The following RELN variants were observed in gnomAD, a reference collection of about 807,000 sequenced individuals.
The protein encoded by RELN is reelin.
Under a neutral mutation model 427.6 loss-of-function variants are expected in RELN, and 108 were observed. The ratio of observed to expected loss-of-function variants is 0.25; its 90% CI spans 0.22 to 0.30. The LOEUF (loss-of-function observed/expected upper bound fraction) is 0.30, where lower values mean the gene tolerates loss of function less well. Ranked by LOEUF, RELN falls within the 10% of genes least tolerant of loss-of-function variation. RELN has a pLI of 1.00. For missense variants in RELN, 3,715 were observed against 4,302.8 expected, an observed-to-expected ratio of 0.86 and a Z score of 3.82; for synonymous variants, 1,524 against 1,513.4, an observed-to-expected ratio of 1.01 and a Z score of -0.16.
chr7:103,566,495 A>G (rs1261659365), intron 32 of RELN, 83 bp from the exon 33 acceptor site: 3 of 1,592,834 alleles, frequency 1.9e-6, no homozygotes, highest in Non-Finnish European at 1.7e-6. Context: ...TTTTAAATCA[A>G]ATTGTCTAGA....
intron 36 of RELN, among the ~76,000 whole-genome samples, chr7:103,558,341 C>T (rs1252539985): frequency 1.3e-5 from 2 of 152,144 alleles, no homozygotes; most frequent in African/African-American, 2.4e-5. Flanking sequence ...TATCTACAGG[C>T]CTTTTTTAAA....
At chr7:103,540,943 A>G (rs3025927) in intron 43 of RELN, among the ~76,000 whole-genome samples, 3,462 of 152,308 alleles carry the variant, frequency 0.023, 117 homozygotes, top group African/African-American at 0.079. Flanking sequence ...CAGATCTCAT[A>G]TTATTGGCTT....
chr7:103,543,935 C>G (rs1167839996), intron 42 of RELN, among the ~76,000 whole-genome samples: 3 of 152,160 alleles, frequency 2.0e-5, no homozygotes, highest in Admixed American at 1.3e-4. Context: ...ACTTTCCCCT[C>G]CTCCAACGCT....
intron 3 of RELN, among the ~76,000 whole-genome samples, chr7:103,811,371 T>C (rs1250358437): frequency 6.6e-6 from 1 of 152,196 alleles, no homozygotes; most frequent in Non-Finnish European, 1.5e-5. Context: ...TAAAACACAT[T>C]TGTGGCATCT....
At chr7:103,496,381 C>T in intron 56 of RELN, 145 bp downstream of exon 56, 1 of 1,139,264 alleles carries the variant, frequency 8.8e-7, no homozygotes, top group South Asian at 1.3e-5. Context: ...TTATAAACCA[C>T]TGGGCAAAAT....
intron 8 of RELN, among the ~76,000 whole-genome samples, chr7:103,720,614 A>G (rs891192660): frequency 6.6e-6 from 1 of 152,206 alleles, no homozygotes; most frequent in East Asian, 1.9e-4. Flanking sequence ...AATTGTTAAC[A>G]TATAGTTTTT....
chr7:103,943,848 C>CAAAAAAAAAA (rs10631941), intron 1 of RELN, among the ~76,000 whole-genome samples: 3 of 76,430 alleles, frequency 3.9e-5, no homozygotes, highest in African/African-American at 5.9e-5. Context: ...ATTCTGTCTC[C>CAAAAAAAAAA]AAAAAAAAAA....
Position 103,753,178 on chromosome 7 carries a change from T to C in RELN, c.577+4A>G. 1 of 1,613,904 alleles carries C rather than the reference T, an allele frequency of 6.2e-7. No homozygotes were observed. The highest frequency in any genetic ancestry group is 8.5e-7 in the Non-Finnish European group (1 of 1,179,856). On this transcript the variant is annotated splice_donor_region_variant and intron_variant, in intron 5 of 64. Coordinates refer to ENST00000428762, the MANE Select transcript of RELN (RefSeq NM_005045.4). ...TTAATGACATCAGAGTCTTAAACAC[T>C]TACCTAGATGTGGGTGCACAGTGAC... is the stretch of plus-strand genomic sequence containing the variant.
chr7:103,648,939 G>C (rs1252671044), intron 16 of RELN, among the ~76,000 whole-genome samples: 1 of 151,958 alleles, frequency 6.6e-6, no homozygotes, highest in African/African-American at 2.4e-5. Context: ...AAAAATAACA[G>C]ATACTGGTGA....
chr7:103,581,963 T>C (rs907783062), intron 28 of RELN, among the ~76,000 whole-genome samples: 10 of 152,128 alleles, frequency 6.6e-5, no homozygotes, highest in African/African-American at 2.4e-5. Context: ...TAAATCATTA[T>C]TGTTTTGAGC....
chr7:103,732,783 C>T (rs1305827650), intron 6 of RELN, among the ~76,000 whole-genome samples: 1 of 152,146 alleles, frequency 6.6e-6, no homozygotes, highest in South Asian at 2.1e-4. Flanking sequence ...AACAATTTAA[C>T]TTGGTTGAGT....
intron 5 of RELN, among the ~76,000 whole-genome samples, chr7:103,750,641 A>AT (rs1308567054): frequency 1.3e-5 from 2 of 151,766 alleles, no homozygotes; most frequent in Admixed American, 6.6e-5. Flanking sequence ...CTACTAACCC[A>AT]TTTTTTCTTC....
intron 6 of RELN, among the ~76,000 whole-genome samples, chr7:103,737,036 G>C (rs1400370805): frequency 6.6e-6 from 1 of 152,146 alleles, no homozygotes; most frequent in Admixed American, 6.6e-5. Context: ...GAAATCAAGA[G>C]GGAGGAGGTT....
chr7:103,675,992 T>A (rs548100339), intron 11 of RELN, among the ~76,000 whole-genome samples: 7 of 152,124 alleles, frequency 4.6e-5, no homozygotes, highest in East Asian at 3.9e-4. Context: ...GGACTTCATG[T>A]CTAAAACACC....
chr7:103,681,391 A>C (rs1317572216), intron 11 of RELN, among the ~76,000 whole-genome samples: 1 of 152,230 alleles, frequency 6.6e-6, no homozygotes, highest in African/African-American at 2.4e-5. Flanking sequence ...TTATGAAATT[A>C]TATTTAATGT....
intron 31 of RELN, among the ~76,000 whole-genome samples, chr7:103,570,368 T>C (rs982973220): frequency 6.6e-6 from 1 of 152,242 alleles, no homozygotes; most frequent in South Asian, 2.1e-4. Context: ...AAAAATGTCC[T>C]TTAAATTTCA....
At chr7:103,518,576 TC>T (rs1257585220) in intron 49 of RELN, among the ~76,000 whole-genome samples, 3 of 150,392 alleles carry the variant, frequency 2.0e-5, no homozygotes, top group Admixed American at 6.7e-5. Context: ...CTTCAAGTGA[TC>T]CTCCTGCCTT....
rs183076665 is a variant in RELN, at chr7:103,750,464, T to C, written c.578-960A>G. On this transcript the variant is annotated intron_variant, in intron 5 of 64. Transcript: ENST00000428762. ...TTTAAAAATAACCCAGTCTTGGGTA[T>C]GTCTTTATTAGCAGCGTGAGAATGA... Among the ~76,000 whole-genome samples the C allele has an allele frequency of 1.3e-4, 20 of 152,330 alleles. 2 individuals carry two copies. In the East Asian group the frequency reaches 3.9e-3, roughly 29 times the overall value.
intron 1 of RELN, among the ~76,000 whole-genome samples, chr7:103,957,774 G>C (rs948981801): frequency 1.3e-5 from 2 of 152,116 alleles, no homozygotes; most frequent in Non-Finnish European, 2.9e-5. Flanking sequence ...TGGATTGTTG[G>C]CTAAGTGATG....
Sources: gnomAD v4.1 joint callset for allele counts (sites outside exome capture counted in the v4.1 genomes callset) on GRCh38, gnomAD v4.1.1 for gene constraint, MANE v1.5 for transcripts, NCBI Gene and HGNC (gene_info 2026-07-23, HGNC 2026-07-21) for gene names.